Variants in PDE1C observed in about 807,000 individuals in gnomAD.
PDE1C encodes phosphodiesterase 1C.
In PDE1C, 62 loss-of-function variants were observed where a neutral mutation model predicts 93.1. That is an observed-to-expected ratio of 0.67 (90% confidence interval 0.54 to 0.82). The LOEUF (loss-of-function observed/expected upper bound fraction) is 0.82. Ranked by LOEUF, PDE1C falls within the 40% of genes least tolerant of loss-of-function variation. The pLI, the probability that PDE1C is intolerant of heterozygous loss-of-function variation, is 0.00. For synonymous variants in PDE1C, 325 were observed against 310.1 expected, an observed-to-expected ratio of 1.05 and a Z score of -0.50; for missense variants, 742 against 884.6, an observed-to-expected ratio of 0.84 and a Z score of 2.04.
At chr7:32,085,022 T>G in intron 3 of PDE1C, among the ~76,000 whole-genome samples, 1 of 124,124 alleles carries the variant, frequency 8.1e-6, no homozygotes, top group African/African-American at 3.2e-5. Context: ...CTGAAGGAAA[T>G]AGAGACACAA....
chr7:32,130,828 T>C (rs1341469349), intron 3 of PDE1C, among the ~76,000 whole-genome samples: 6 of 152,062 alleles, frequency 3.9e-5, no homozygotes, highest in African/African-American at 9.7e-5. Flanking sequence ...CTCTCTCCCC[T>C]TACTCCCTTC....
At chr7:31,739,020 A>G in the PDE1C span, among the ~76,000 whole-genome samples, 3 of 136,090 alleles carry the variant, frequency 2.2e-5, no homozygotes, top group Non-Finnish European at 4.6e-5. Flanking sequence ...CCCCACATAT[A>G]CATATGCATG....
chr7:32,093,978 C>T (rs10951319), intron 3 of PDE1C, among the ~76,000 whole-genome samples: 5 of 152,016 alleles, frequency 3.3e-5, no homozygotes, highest in East Asian at 3.9e-4. Flanking sequence ...AGGTTGAATG[C>T]GTCACTGACC....
intron 3 of PDE1C, among the ~76,000 whole-genome samples, chr7:32,106,751 T>A (rs2128752869): frequency 6.6e-6 from 1 of 152,310 alleles, no homozygotes; most frequent in Middle Eastern, 3.4e-3. Context: ...TCAGTTCTTT[T>A]ATCTGATACA....
intron 16 of PDE1C, among the ~76,000 whole-genome samples, chr7:31,794,786 G>C (rs1437873277): frequency 1.3e-5 from 2 of 151,984 alleles, no homozygotes; most frequent in African/African-American, 2.4e-5. Context: ...TTTCTGATCA[G>C]TCTTTGAATC....
chr7:32,293,281 G>C (rs1003436845), intron 1 of PDE1C, among the ~76,000 whole-genome samples: 1 of 152,112 alleles, frequency 6.6e-6, no homozygotes, highest in African/African-American at 2.4e-5. Context: ...ATAAATCTGC[G>C]TGTGACTCCA....
intron 2 of PDE1C, among the ~76,000 whole-genome samples, chr7:32,027,705 G>A (rs1035788776): frequency 7.0e-6 from 1 of 142,940 alleles, no homozygotes; most frequent in African/African-American, 2.6e-5. Context: ...CTACCAAGAT[G>A]AGCCTGACTG....
intron 2 of PDE1C, among the ~76,000 whole-genome samples, chr7:31,883,738 C>A (rs554467432): frequency 1.3e-5 from 2 of 152,292 alleles, no homozygotes; most frequent in East Asian, 1.9e-4. Flanking sequence ...AGGAGTGGGG[C>A]CTTCAGGGAA....
At chr7:31,799,240 G>A (rs1335895014) in intron 16 of PDE1C, among the ~76,000 whole-genome samples, 1 of 151,648 alleles carries the variant, frequency 6.6e-6, no homozygotes, top group African/African-American at 2.4e-5. Flanking sequence ...CCTGCTGTTT[G>A]ACTCTTTTCT....
the PDE1C span, chr7:31,643,583 C>T: frequency 6.2e-7 from 1 of 1,614,018 alleles, no homozygotes; most frequent in East Asian, 2.2e-5. Flanking sequence ...TTAGAATGCA[C>T]TGTGTGTGAT....
intron 1 of PDE1C, among the ~76,000 whole-genome samples, chr7:32,323,213 G>T (rs1783333690): frequency 6.6e-6 from 1 of 152,142 alleles, no homozygotes; most frequent in Non-Finnish European, 1.5e-5. Context: ...GGTAAAAAGT[G>T]CTCCAGAATA....
Position 32,135,538 on chromosome 7 carries a change from C to A in PDE1C, c.308+34247G>T, listed in dbSNP as rs531565043. Among the ~76,000 whole-genome samples, 8 of 152,208 alleles carry A rather than the reference C, an allele frequency of 5.3e-5. No homozygotes were observed. In the East Asian group the frequency reaches 1.5e-3, roughly 29 times the overall value. On this transcript the variant is annotated intron_variant, in intron 3 of 18. Coordinates refer to the PDE1C transcript ENST00000396193. ...AAAAACTGGTGTTCAACATTACTAA[C>A]CATCAGAGAAATGAAAATCTAAACA... is the stretch of plus-strand genomic sequence containing the variant.
intron 1 of PDE1C, among the ~76,000 whole-genome samples, chr7:32,260,312 A>G (rs1050626525): frequency 1.3e-5 from 2 of 152,036 alleles, no homozygotes; most frequent in African/African-American, 4.8e-5. Flanking sequence ...CAGCTCTGTG[A>G]CCCTGGAAAC....
the PDE1C span, among the ~76,000 whole-genome samples, chr7:31,689,869 G>C: frequency 2.6e-5 from 4 of 152,196 alleles, no homozygotes; most frequent in Non-Finnish European, 5.9e-5. Context: ...TAAAATCCCA[G>C]ATCTGGAAAT....
At chr7:31,929,176 C>CA (rs1411096673) in intron 2 of PDE1C, among the ~76,000 whole-genome samples, 1 of 150,680 alleles carries the variant, frequency 6.6e-6, no homozygotes, top group Non-Finnish European at 1.5e-5. Context: ...CAACAAGGAT[C>CA]AAAAAAGACA....
At position 31,775,692 on chromosome 7, in the gene PDE1C, G is replaced by C; in HGVS notation, c.1932C>G (p.Thr644=). The change falls in exon 17 of 18, where the codon ACC becomes ACG. Residue 644 remains threonine, a synonymous_variant. Coordinates refer to ENST00000396191, the MANE Select transcript of PDE1C (RefSeq NM_001191057.4). ...GCAACGTAAGGCGACACGTGGAGCT[G>C]GTGCTTGGGGCTGGTGAGCCGTGAG... ...QRSHGSPAPS[T]SSTCRLTLPV... 6.2e-7 allele frequency: 1 copy of C among 1,612,850 alleles called. No homozygotes were observed. Among genetic ancestry groups the C allele is most frequent in the Non-Finnish European group, 8.5e-7 (1 of 1,179,842 alleles).
chr7:31,681,394 T>TGGATGGAG, the PDE1C span, among the ~76,000 whole-genome samples: 1 of 10,010 alleles, frequency 1.0e-4, no homozygotes, highest in Non-Finnish European at 2.1e-4. Context: ...GATGGATGGA[T>TGGATGGAG]GGATGGATGG....
intron 3 of PDE1C, among the ~76,000 whole-genome samples, chr7:32,161,782 C>A (rs561382704): frequency 3.2e-4 from 49 of 152,178 alleles, no homozygotes; most frequent in Admixed American, 5.2e-4. Flanking sequence ...CTCCTCCCAA[C>A]CCAACAGCAC....
At chr7:32,128,904 C>T (rs540620818) in intron 3 of PDE1C, among the ~76,000 whole-genome samples, 24 of 40,790 alleles carry the variant, frequency 5.9e-4, no homozygotes, top group African/African-American at 2.0e-3. Context: ...TAAAGTATAA[C>T]AAATATATAT....
Sources: allele counts gnomAD v4.1 joint callset (sites outside exome capture counted in the v4.1 genomes callset), GRCh38; gene constraint gnomAD v4.1.1; transcripts MANE v1.5; gene names NCBI Gene and HGNC (gene_info 2026-07-23, HGNC 2026-07-21).